Variants in SLC38A8 observed in about 807,000 individuals in gnomAD.
SLC38A8 encodes the protein amino acid transporter SLC38A8.
Under a neutral mutation model 46.0 loss-of-function variants are expected in SLC38A8, and 65 were observed. The observed-to-expected ratio is 1.41, with a 90% confidence interval of 1.16 to 1.74. The LOEUF (loss-of-function observed/expected upper bound fraction) is 1.74. Among genes scored for constraint, SLC38A8 ranks in the 40% most tolerant of loss-of-function variants. The pLI, the probability that SLC38A8 is intolerant of heterozygous loss-of-function variation, is 0.00. For synonymous variants in SLC38A8, 447 were observed against 243.7 expected, an observed-to-expected ratio of 1.83 and a Z score of -7.77; for missense variants, 998 against 567.9, an observed-to-expected ratio of 1.76 and a Z score of -7.70.
intron 3 of SLC38A8, 61 bp downstream of exon 3, chr16:84,036,641 T>C: frequency 6.3e-7 from 1 of 1,589,992 alleles, no homozygotes; most frequent in Non-Finnish European, 8.6e-7. Flanking sequence ...AACTGGAAAC[T>C]CCAAGAGGTC....
chr16:84,036,655 A>G, intron 3 of SLC38A8, 47 bp downstream of exon 3: 1 of 1,604,726 alleles, frequency 6.2e-7, no homozygotes, highest in Non-Finnish European at 8.5e-7. Context: ...AGAGGTCATT[A>G]GAGGTCCGGC....
intron 6 of SLC38A8, among the ~76,000 whole-genome samples, chr16:84,027,805 C>A (rs1361812844): frequency 2.0e-5 from 3 of 152,312 alleles, no homozygotes; most frequent in East Asian, 1.9e-4. Flanking sequence ...GAGGGGCACC[C>A]CTTGCAAGCA....
chr16:84,019,968 G>A (rs1036975039), intron 7 of SLC38A8, among the ~76,000 whole-genome samples: 8 of 152,234 alleles, frequency 5.3e-5, no homozygotes, highest in Non-Finnish European at 7.3e-5. Flanking sequence ...CCACGTGTCT[G>A]TTCACAGGGG....
rs184868587 is a variant in SLC38A8 at position 84,017,568 on chromosome 16, G to A, written c.806-281C>T. On this transcript the variant is annotated intron_variant, in intron 7 of 10. Transcript: ENST00000299709. Reference sequence around the variant, plus strand: ...TCACCCACAGTGCGTGTGTTGACTAGAAGCACAGAGCACTTTGAAAAATAC... The same window carrying A: ...TCACCCACAGTGCGTGTGTTGACTAAAAGCACAGAGCACTTTGAAAAATAC... 1.3e-3 allele frequency among the ~76,000 whole-genome samples: 200 copies of A among 152,308 alleles called. 1 individual carries two copies. The highest frequency in any genetic ancestry group is 2.4e-3 in the Non-Finnish European group (164 of 68,034).
chr16:84,036,611 C>T (rs2085301809), intron 3 of SLC38A8, 91 bp downstream of exon 3: 7 of 1,454,604 alleles, frequency 4.8e-6, no homozygotes, highest in Non-Finnish European at 5.7e-6. Flanking sequence ...GGGCCCAGGC[C>T]AGGGCCCCAC....
At position 84,022,854 on chromosome 16, in the gene SLC38A8, C is replaced by T. The variant is rs868187533; in HGVS notation, c.726G>A (p.Met242Ile). The T allele has an allele frequency of 5.0e-6, 8 of 1,610,740 alleles. No homozygotes were observed. The African/African-American group carries it at 5.3e-5, about 11-fold the overall frequency. ...CCCAGTGGGAGAGGCTCCGTTTGCG[C>T]ATGCTGCAGTAGATGGAGACGGCAG... The part of the protein sequence containing the change: ...HEAAVSIYCS[M>I]RKRSLSHWAL... Residue 242 changes from methionine to isoleucine, a missense_variant, in exon 7 of 11, where the codon ATG (methionine) becomes ATA (isoleucine). By Grantham distance (10) the Met-to-Ile change is conservative (BLOSUM62 1). Coordinates refer to ENST00000299709, the MANE Select transcript of SLC38A8 (RefSeq NM_001080442.3).
rs140127467 is a variant in SLC38A8 at position 84,010,815 on chromosome 16, C to T, written c.1215-938G>A. Among the ~76,000 whole-genome samples the T allele has an allele frequency of 3.4e-4, 52 of 152,260 alleles. No individual in the cohort carries two copies. In the East Asian group the frequency reaches 5.4e-3, roughly 16 times the overall value. ...GTCCCCCCACCCTCCCTTTCTGTTC[C>T]TCAGCCTCTGATGAAATCCCATGAA... On this transcript the variant is annotated intron_variant, in intron 10 of 10. Coordinates refer to ENST00000299709, the MANE Select transcript of SLC38A8 (RefSeq NM_001080442.3).
At position 84,031,942 on chromosome 16, in the gene SLC38A8, T is replaced by A. The variant is rs1226433604; in HGVS notation, c.557A>T (p.Tyr186Phe). Residue 186 changes from tyrosine (Y) to phenylalanine (F), a missense_variant, in exon 5 of 11, where the codon TAC becomes TTC. Coordinates refer to ENST00000299709, the MANE Select transcript of SLC38A8 (RefSeq NM_001080442.3). ...CTGCACGGTGATGACCAGGGCCAGG[T>A]AACAGGCAGCCAGAGTGCCTAGGAT... is the stretch of plus-strand genomic sequence containing the variant. ...TSILGTLAAC[Y>F]LALVITVQYY... 2 of 1,614,174 alleles carry A rather than the reference T, an allele frequency of 1.2e-6. No homozygotes were observed. The highest frequency in any genetic ancestry group is 1.7e-5 in the Admixed American group (1 of 60,020).
chr16:84,021,567 T>A (rs114288321), intron 7 of SLC38A8, among the ~76,000 whole-genome samples: 320 of 152,342 alleles, frequency 2.1e-3, no homozygotes, highest in African/African-American at 7.3e-3. Context: ...AAGTTCCAAA[T>A]GTTCCCTAGT....
At chr16:84,012,901 G>T in intron 10 of SLC38A8, 100 bp downstream of exon 10, 5 of 1,287,682 alleles carry the variant, frequency 3.9e-6, no homozygotes, top group Non-Finnish European at 5.5e-6. Context: ...TCACCTGCAG[G>T]ATGCAGAGGA....
chr16:84,031,816 C>T, intron 5 of SLC38A8, 51 bp downstream of exon 5: 1 of 1,508,032 alleles, frequency 6.6e-7, no homozygotes. Flanking sequence ...CACAGACTCC[C>T]CTGCCGTGCC....
At chr16:84,018,124 T>C (rs984624737) in intron 7 of SLC38A8, among the ~76,000 whole-genome samples, 10 of 151,272 alleles carry the variant, frequency 6.6e-5, no homozygotes, top group African/African-American at 1.5e-4. Context: ...CAAGATTGAG[T>C]GCCCACACTG....
rs760136597 is a variant in SLC38A8, at chr16:84,032,014, C to T, written c.531-46G>A. The T allele has an allele frequency of 3.5e-5, 53 of 1,515,898 alleles. No individual in the cohort carries two copies. The South Asian group carries it at 4.8e-4, about 14-fold the overall frequency. 93.9% of individuals were successfully genotyped at this position (1,515,898 alleles called of 1,614,324 possible). A position where few individuals can be genotyped will look rare whatever the true frequency, so the allele number is the denominator to read the frequency against. On this transcript the variant is annotated intron_variant, in intron 4 of 10. Coordinates refer to ENST00000299709, the MANE Select transcript of SLC38A8 (RefSeq NM_001080442.3). Reference sequence around the variant, plus strand: ...GGGGCTGCGCAGTGGGTGACATGTGCGGTTGATGCACGGGGACAGTAGTGG... The same window carrying T: ...GGGGCTGCGCAGTGGGTGACATGTGTGGTTGATGCACGGGGACAGTAGTGG...
At chr16:84,037,277 T>A (rs1022301954) in intron 2 of SLC38A8, among the ~76,000 whole-genome samples, 32 of 152,170 alleles carry the variant, frequency 2.1e-4, no homozygotes, top group Non-Finnish European at 4.3e-4. Flanking sequence ...GAACCCGAGG[T>A]GGAGCGGGCA....
intron 7 of SLC38A8, among the ~76,000 whole-genome samples, chr16:84,018,852 G>A (rs1000898937): frequency 5.3e-5 from 8 of 152,282 alleles, no homozygotes; most frequent in Admixed American, 1.3e-4. Flanking sequence ...TTCTAGGGGA[G>A]TCACTAGGAG....
intron 4 of SLC38A8, among the ~76,000 whole-genome samples, chr16:84,032,538 G>A (rs958878798): frequency 6.6e-6 from 1 of 152,206 alleles, no homozygotes; most frequent in African/African-American, 2.4e-5. Context: ...CTGTAATAGT[G>A]TTTCCTTCCC....
In SLC38A8 at chr16:84,036,909, A is replaced by AAC; in HGVS notation, c.190-10_190-9insGT. 1.2e-6 allele frequency: 2 copies of AAC among 1,605,398 alleles called. No homozygotes were observed. Among genetic ancestry groups the AAC allele is most frequent in the East Asian group, 2.2e-5 (1 of 44,456 alleles). ...AGGAAGACCAACGAGACCTGCGGAG[A>AAC]AGGAGCAGGACCTGGAACTGGGGTG... On this transcript the variant is annotated splice_polypyrimidine_tract_variant and intron_variant, in intron 2 of 10. Transcript: ENST00000299709.
chr16:84,027,041 T>A (rs933106914), intron 6 of SLC38A8, among the ~76,000 whole-genome samples: 4 of 152,088 alleles, frequency 2.6e-5, no homozygotes, highest in African/African-American at 9.7e-5. Context: ...CCTATCTCAA[T>A]AAAGATATTT....
At chr16:84,015,753 T>A (rs184989708) in intron 9 of SLC38A8, among the ~76,000 whole-genome samples, 4 of 152,292 alleles carry the variant, frequency 2.6e-5, no homozygotes, top group Non-Finnish European at 1.5e-5. Flanking sequence ...TCGCCCAGGC[T>A]AGAGTGCAGT....
Sources: allele counts gnomAD v4.1 joint callset (sites outside exome capture counted in the v4.1 genomes callset), GRCh38; gene constraint gnomAD v4.1.1; transcripts MANE v1.5; gene names NCBI Gene and HGNC (gene_info 2026-07-23, HGNC 2026-07-21).